ZNF333: variants seen among roughly 807,000 people sequenced by gnomAD.
ZNF333 encodes zinc finger protein 333.
In ZNF333, 61 loss-of-function variants were observed where a neutral mutation model predicts 76.1. The ratio of observed to expected loss-of-function variants is 0.80; its 90% CI spans 0.65 to 0.99. The LOEUF is 0.99. ZNF333 is among the 50% of genes least tolerant of loss of function. The pLI is 0.00. For missense variants in ZNF333, 717 were observed against 822.4 expected (o/e 0.87, Z 1.57); for synonymous variants, 284 against 305.0 (o/e 0.93, Z 0.72).
chr19:14,728,504 GT>G (rs747944245), intron 11 of ZNF333, among the ~76,000 whole-genome samples: 29 of 152,120 alleles, frequency 1.9e-4, no homozygotes, highest in Non-Finnish European at 3.8e-4. Context: ...TTTGTCTTAT[GT>G]TTAGCTTTGA....
chr19:14,693,118 A>C (rs1160452819), intron 1 of ZNF333, among the ~76,000 whole-genome samples: 1 of 152,232 alleles, frequency 6.6e-6, no homozygotes, highest in Non-Finnish European at 1.5e-5. Flanking sequence ...TCAAAAAAAA[A>C]GGTTTACATC....
exon 12 of ZNF333, chr19:14,731,272 G>A: frequency 7.5e-7 from 1 of 1,330,642 alleles, no homozygotes; most frequent in Non-Finnish European, 1.0e-6. Flanking sequence ...TCACTACTGG[G>A]GCTTGAAGAC....
chr19:14,712,331 T>C (rs1347353417), intron 7 of ZNF333, among the ~76,000 whole-genome samples: 1 of 151,984 alleles, frequency 6.6e-6, no homozygotes, highest in Non-Finnish European at 1.5e-5. Context: ...GTGATTCTCG[T>C]GCCTCAGCCT....
At chr19:14,732,740 ATCAT>A (rs1243143635) in exon 12 of ZNF333, 1 of 152,244 alleles carries the variant, frequency 6.6e-6, no homozygotes, top group Non-Finnish European at 1.5e-5. Flanking sequence ...CATAGCCATG[ATCAT>A]TCATTTATGA....
Position 14,720,771 on chromosome 19 carries a change from C to T in ZNF333, c.*1446C>T. The T allele has an allele frequency of 1.0e-6, 1 of 985,254 alleles. No individual in the cohort carries two copies. Among genetic ancestry groups the T allele is most frequent in the Non-Finnish European group, 1.2e-6 (1 of 829,824 alleles). 61.0% of individuals were successfully genotyped at this position (985,254 alleles called of 1,614,324 possible). A position where few individuals can be genotyped will look rare whatever the true frequency, so the allele number is the denominator to read the frequency against. ...AGCAAATGTGTTTAAAAACCATCTA[C>T]ACATTTATAAATGTTGATCTGTGAT... On this transcript the variant is annotated 3_prime_UTR_variant, in exon 12 of 12. Coordinates refer to ENST00000292530, the MANE Select transcript of ZNF333 (RefSeq NM_032433.4).
chr19:14,703,337 G>A (rs2146972995), intron 5 of ZNF333, among the ~76,000 whole-genome samples: 1 of 152,200 alleles, frequency 6.6e-6, no homozygotes, highest in East Asian at 1.9e-4. Context: ...CGGGGATTAT[G>A]GGAACTACAA....
chr19:14,695,772 C>A, intron 4 of ZNF333, 111 bp downstream of exon 4: 1 of 852,772 alleles, frequency 1.2e-6, no homozygotes, highest in Non-Finnish European at 1.9e-6. Flanking sequence ...ACATCGAAGG[C>A]CATTCGGAGT....
chr19:14,717,119 G>C, intron 10 of ZNF333, 30 bp downstream of exon 10: 2 of 1,569,350 alleles, frequency 1.3e-6, no homozygotes, highest in East Asian at 4.6e-5. Context: ...GTGAGCATCA[G>C]CTCTGGTCAG....
chr19:14,733,204 G>C (rs1175446647), exon 12 of ZNF333: 1 of 152,228 alleles, frequency 6.6e-6, no homozygotes, highest in Admixed American at 6.5e-5. Context: ...AGGATCAGGA[G>C]TGACTTGAGG....
intron 4 of ZNF333, among the ~76,000 whole-genome samples, chr19:14,697,369 T>C (rs1973288897): frequency 6.9e-6 from 1 of 145,588 alleles, no homozygotes; most frequent in African/African-American, 2.5e-5. Context: ...TTTTTTTTTT[T>C]TTTTTTTTTT....
At chr19:14,697,650 C>T (rs944677956) in intron 4 of ZNF333, among the ~76,000 whole-genome samples, 5 of 152,118 alleles carry the variant, frequency 3.3e-5, no homozygotes, top group African/African-American at 7.2e-5. Context: ...CGTGCGCCAC[C>T]GTGCCTGGCC....
At chr19:14,716,556 G>A (rs2042436981) in intron 9 of ZNF333, among the ~76,000 whole-genome samples, 2 of 152,162 alleles carry the variant, frequency 1.3e-5, no homozygotes, top group Admixed American at 1.3e-4. Context: ...ACTGTGCCTG[G>A]CCAAGGCTTT....
At chr19:14,705,670 T>C (rs1371946522) in intron 6 of ZNF333, among the ~76,000 whole-genome samples, 1 of 152,178 alleles carries the variant, frequency 6.6e-6, no homozygotes, top group Non-Finnish European at 1.5e-5. Flanking sequence ...CCTAGCTTGT[T>C]AGGAACCAGG....
At chr19:14,690,025 G>C (rs1308224463), upstream of ZNF333, 1 of 152,510 alleles carries the variant, frequency 6.6e-6, no homozygotes, top group Non-Finnish European at 1.5e-5. Context: ...AGCCACTTCC[G>C]TTCCCGGCGG....
intron 5 of ZNF333, 128 bp downstream of exon 5, chr19:14,699,409 C>A: frequency 2.5e-6 from 2 of 794,384 alleles, no homozygotes; most frequent in Non-Finnish European, 4.2e-6. Flanking sequence ...GAAACAGTGT[C>A]TGAGGGGAGT....
exon 12 of ZNF333, chr19:14,731,853 C>G (rs951772477): frequency 6.6e-6 from 1 of 152,168 alleles, no homozygotes; most frequent in African/African-American, 2.4e-5. Flanking sequence ...AGAGAATGGA[C>G]TTAATAAATT....
intron 7 of ZNF333, among the ~76,000 whole-genome samples, chr19:14,712,345 G>A (rs548650859): frequency 5.9e-5 from 9 of 151,914 alleles, no homozygotes; most frequent in Admixed American, 3.3e-4. Flanking sequence ...TCAGCCTCCC[G>A]AGTGGCTGGG....
chr19:14,705,578 C>T (rs1356029067), intron 6 of ZNF333, among the ~76,000 whole-genome samples: 1 of 152,200 alleles, frequency 6.6e-6, no homozygotes, highest in African/African-American at 2.4e-5. Flanking sequence ...CCTGCGTGTC[C>T]TTACCAAGGC....
At position 14,717,660 on chromosome 19, in the gene ZNF333, C is replaced by A; in HGVS notation, c.827C>A (p.Pro276His). Reference protein sequence around the residue: ...RGVLSDTCAEPQCQPQEAIPS... With the variant: ...RGVLSDTCAEHQCQPQEAIPS... The stretch of plus-strand genomic sequence containing the variant: ...TTTCTTCCCTAATTCATTTCAGAAC[C>A]TCAGTGTCAACCCCAAGAGGCAATT... Residue 276 changes from proline to histidine, a missense_variant, in exon 11 of 12, where the codon CCT becomes CAT. By Grantham distance (77) the Pro-to-His change is moderately conservative. Coordinates refer to ENST00000292530, the MANE Select transcript of ZNF333 (RefSeq NM_032433.4). The A allele has an allele frequency of 1.2e-6, 2 of 1,613,850 alleles. No individual in the cohort carries two copies. Among genetic ancestry groups the A allele is most frequent in the Non-Finnish European group, 1.7e-6 (2 of 1,179,776 alleles).
Sources: allele counts gnomAD v4.1 joint callset (sites outside exome capture counted in the v4.1 genomes callset), GRCh38; gene constraint gnomAD v4.1.1; transcripts MANE v1.5; gene names NCBI Gene and HGNC (gene_info 2026-07-23, HGNC 2026-07-21).